RBFOX1: variants seen among roughly 807,000 people sequenced by gnomAD.
The protein encoded by RBFOX1 is RNA binding protein fox-1 homolog 1.
A neutral mutation model predicts 57.7 loss-of-function variants in RBFOX1; 8 were observed. That is an observed-to-expected ratio of 0.14 (90% CI 0.08 to 0.25). The LOEUF (loss-of-function observed/expected upper bound fraction) is 0.25, where lower values mean the gene tolerates loss of function less well. Ranked by LOEUF, RBFOX1 falls within the 10% of genes least tolerant of loss-of-function variation. The pLI, the probability that RBFOX1 is intolerant of heterozygous loss-of-function variation, is 1.00. For synonymous variants in RBFOX1, 326 were observed against 222.4 expected, an observed-to-expected ratio of 1.47 and a Z score of -4.15; for missense variants, 611 against 548.5, an observed-to-expected ratio of 1.11 and a Z score of -1.14.
chr16:5,286,005 C>A (rs924299400), intron 1 of RBFOX1, among the ~76,000 whole-genome samples: 4 of 152,118 alleles, frequency 2.6e-5, no homozygotes, highest in Non-Finnish European at 4.4e-5. Context: ...CTCCTCACCT[C>A]GTGATCTGCC....
At chr16:7,372,224 G>T (rs1309139695) in intron 4 of RBFOX1, among the ~76,000 whole-genome samples, 1 of 152,030 alleles carries the variant, frequency 6.6e-6, no homozygotes, top group Non-Finnish European at 1.5e-5. Context: ...CATCCTATTT[G>T]GGCCTCGGAG....
chr16:6,669,425 A>G (rs886588508), intron 3 of RBFOX1, among the ~76,000 whole-genome samples: 4 of 152,198 alleles, frequency 2.6e-5, no homozygotes, highest in African/African-American at 9.6e-5. Flanking sequence ...GCCATCTTAA[A>G]CTAACAGCTA....
intron 3 of RBFOX1, among the ~76,000 whole-genome samples, chr16:5,671,157 G>C (rs1271598879): frequency 6.6e-6 from 1 of 152,230 alleles, no homozygotes. Flanking sequence ...TTTATAGAGT[G>C]CCCAGTGGAT....
At position 7,709,019 on chromosome 16, in the gene RBFOX1, T is replaced by C. The variant is rs371049513; in HGVS notation, c.996-37T>C. 16 of 1,554,212 alleles carry C rather than the reference T, an allele frequency of 1.0e-5. No individual in the cohort carries two copies. The African/African-American group carries it at 1.5e-4, about 15-fold the overall frequency. On this transcript the variant is annotated intron_variant, in intron 14 of 15. Transcript: ENST00000550418. ...TGATTGTTATTGTTTTGTAATTGCA[T>C]ACTGTGGATCAATCTTCACCTCTAT...
chr16:7,101,772 T>A (rs1282939532), intron 4 of RBFOX1, among the ~76,000 whole-genome samples: 1 of 152,146 alleles, frequency 6.6e-6, no homozygotes, highest in Non-Finnish European at 1.5e-5. Context: ...CCTGGTCCTC[T>A]TTCCCTTTTA....
intron 1 of RBFOX1, among the ~76,000 whole-genome samples, chr16:6,299,501 C>T (rs753373333): frequency 1.1e-4 from 16 of 152,104 alleles, no homozygotes; most frequent in East Asian, 3.9e-4. Context: ...CATGGTGAAG[C>T]GCACGTAAGC....
At chr16:7,367,182 G>A (rs991739890) in intron 4 of RBFOX1, among the ~76,000 whole-genome samples, 1 of 152,130 alleles carries the variant, frequency 6.6e-6, no homozygotes, top group East Asian at 1.9e-4. Context: ...ATGACACTCT[G>A]GGGAATGGCT....
chr16:5,863,255 G>A (rs1411961938), intron 3 of RBFOX1, among the ~76,000 whole-genome samples: 1 of 152,204 alleles, frequency 6.6e-6, no homozygotes, highest in African/African-American at 2.4e-5. Flanking sequence ...AATGATTAAA[G>A]GGATGGGAAA....
chr16:6,761,559 G>A (rs191536381), intron 3 of RBFOX1, among the ~76,000 whole-genome samples: 54 of 124,590 alleles, frequency 4.3e-4, no homozygotes, highest in African/African-American at 1.6e-3. Flanking sequence ...CCAGGCTGGA[G>A]TGCAGTGGTG....
intron 3 of RBFOX1, among the ~76,000 whole-genome samples, chr16:6,966,010 A>G (rs1210303504): frequency 1.3e-5 from 2 of 152,182 alleles, no homozygotes; most frequent in Non-Finnish European, 2.9e-5. Context: ...AATGGAGCGT[A>G]TCATAGAAAA....
chr16:5,770,321 C>T (rs979738438), intron 3 of RBFOX1, among the ~76,000 whole-genome samples: 2 of 152,172 alleles, frequency 1.3e-5, no homozygotes, highest in African/African-American at 4.8e-5. Context: ...CCTCACTGCT[C>T]TTTGTATGCA....
At chr16:6,774,206 G>A (rs13338045) in intron 3 of RBFOX1, among the ~76,000 whole-genome samples, 5,457 of 152,188 alleles carry the variant, frequency 0.036, 331 homozygotes, top group African/African-American at 0.12. Flanking sequence ...TTATTAGTAG[G>A]TTTCTCTGTC....
chr16:7,437,256 C>T (rs941612615), intron 4 of RBFOX1, among the ~76,000 whole-genome samples: 1 of 133,978 alleles, frequency 7.5e-6, no homozygotes, highest in Non-Finnish European at 1.7e-5. Context: ...CTTTGCCCCC[C>T]CCCCCTTTCT....
intron 1 of RBFOX1, among the ~76,000 whole-genome samples, chr16:5,350,717 A>G (rs1420611705): frequency 2.6e-5 from 4 of 152,032 alleles, no homozygotes; most frequent in East Asian, 3.9e-4. Context: ...AATACAAAAA[A>G]TAGCCAGGCA....
intron 4 of RBFOX1, among the ~76,000 whole-genome samples, chr16:7,195,131 A>G (rs889180886): frequency 6.6e-6 from 1 of 152,148 alleles, no homozygotes; most frequent in African/African-American, 2.4e-5. Flanking sequence ...TGTCAACTTC[A>G]CCATGTTTTG....
chr16:6,656,548 G>T (rs973743420), intron 3 of RBFOX1, among the ~76,000 whole-genome samples: 4 of 150,710 alleles, frequency 2.7e-5, no homozygotes, highest in Non-Finnish European at 3.0e-5. Context: ...AGTCATTAAT[G>T]GTCATACTGT....
At chr16:6,426,228 T>A (rs777355209) in intron 2 of RBFOX1, among the ~76,000 whole-genome samples, 10 of 151,194 alleles carry the variant, frequency 6.6e-5, no homozygotes, top group Non-Finnish European at 1.0e-4. Context: ...GTCTATGCAA[T>A]AGACAAACAT....
chr16:5,648,159 C>A (rs1318857474), intron 3 of RBFOX1, among the ~76,000 whole-genome samples: 1 of 152,186 alleles, frequency 6.6e-6, no homozygotes, highest in African/African-American at 2.4e-5. Context: ...TGCACCTGGC[C>A]ACCTTGTAGG....
chr16:7,678,057 G>A (rs1568416567), intron 14 of RBFOX1, among the ~76,000 whole-genome samples: 2 of 152,170 alleles, frequency 1.3e-5, no homozygotes, highest in Admixed American at 6.5e-5. Flanking sequence ...AAAACCCCAT[G>A]CATACACTTG....
Sources: gnomAD v4.1 joint callset for allele counts (sites outside exome capture counted in the v4.1 genomes callset) on GRCh38, gnomAD v4.1.1 for gene constraint, MANE v1.5 for transcripts, NCBI Gene and HGNC (gene_info 2026-07-23, HGNC 2026-07-21) for gene names.